LSAMP: variants seen among roughly 807,000 people sequenced by gnomAD.
LSAMP encodes the protein limbic system-associated membrane protein.
A neutral mutation model predicts 38.6 loss-of-function variants in LSAMP; 7 were observed. The observed-to-expected ratio is 0.18, with a 90% confidence interval of 0.10 to 0.34. LSAMP has a LOEUF of 0.34. LSAMP is among the 10% of genes least tolerant of loss of function. LSAMP has a pLI of 1.00. For synonymous variants in LSAMP, 154 were observed against 166.8 expected, an observed-to-expected ratio of 0.92 and a Z score of 0.59; for missense variants, 313 against 420.0, an observed-to-expected ratio of 0.75 and a Z score of 2.23.
chr3:116,108,422 A>T (rs549944883), intron 1 of LSAMP, among the ~76,000 whole-genome samples: 9 of 152,124 alleles, frequency 5.9e-5, no homozygotes, highest in Non-Finnish European at 1.0e-4. Flanking sequence ...CAGTTATGGA[A>T]GCAAGGGAAA....
At chr3:116,274,302 C>A (rs1279418373) in intron 1 of LSAMP, among the ~76,000 whole-genome samples, 2 of 152,040 alleles carry the variant, frequency 1.3e-5, no homozygotes, top group Non-Finnish European at 2.9e-5. Context: ...GCTTTTGTCA[C>A]TGGGATTTAG....
chr3:116,206,497 G>T (rs1224019658), intron 1 of LSAMP, among the ~76,000 whole-genome samples: 2 of 118,524 alleles, frequency 1.7e-5, no homozygotes, highest in Non-Finnish European at 3.7e-5. Context: ...TGTGATGTTA[G>T]GGTGTCAATT....
intron 4 of LSAMP, among the ~76,000 whole-genome samples, chr3:115,847,112 T>C (rs1029925612): frequency 2.0e-5 from 3 of 152,226 alleles, no homozygotes; most frequent in African/African-American, 7.2e-5. Context: ...CTTGGTATCA[T>C]GGATAAAGAA....
intron 1 of LSAMP, among the ~76,000 whole-genome samples, chr3:116,130,953 T>C (rs908356582): frequency 1.3e-5 from 2 of 151,648 alleles, no homozygotes; most frequent in Admixed American, 1.3e-4. Context: ...ATTCATTCAC[T>C]TCACTTCCGG....
At chr3:116,069,567 A>G (rs1382975947) in intron 2 of LSAMP, among the ~76,000 whole-genome samples, 1 of 152,188 alleles carries the variant, frequency 6.6e-6, no homozygotes, top group African/African-American at 2.4e-5. Context: ...CAGAAAAAAA[A>G]AAATGTGGGA....
At chr3:115,876,413 C>A (rs2107414419) in intron 3 of LSAMP, among the ~76,000 whole-genome samples, 1 of 151,898 alleles carries the variant, frequency 6.6e-6, no homozygotes, top group East Asian at 1.9e-4. Flanking sequence ...ACTCACCAAC[C>A]AGTCCTGCTA....
intron 1 of LSAMP, among the ~76,000 whole-genome samples, chr3:116,264,458 A>G (rs2046868946): frequency 6.6e-6 from 1 of 152,096 alleles, no homozygotes; most frequent in Non-Finnish European, 1.5e-5. Context: ...GCTGCATTTC[A>G]CCTTCTGAGG....
intron 3 of LSAMP, among the ~76,000 whole-genome samples, chr3:115,967,124 T>C (rs1243123954): frequency 1.3e-5 from 2 of 152,206 alleles, no homozygotes; most frequent in East Asian, 1.9e-4. Context: ...CAAACTTTCA[T>C]GGTCTGTTTC....
chr3:115,999,537 G>A (rs1223506315), intron 3 of LSAMP, among the ~76,000 whole-genome samples: 2 of 152,174 alleles, frequency 1.3e-5, no homozygotes, highest in Non-Finnish European at 1.5e-5. Context: ...TCAGGGGAAA[G>A]AGGAATAAAA....
intron 1 of LSAMP, among the ~76,000 whole-genome samples, chr3:116,221,218 C>A (rs1316860444): frequency 7.4e-6 from 1 of 135,486 alleles, no homozygotes; most frequent in Non-Finnish European, 1.6e-5. Flanking sequence ...TTAAAATATA[C>A]AAACTACTTG....
At chr3:115,990,305 G>C (rs1576288018) in intron 3 of LSAMP, among the ~76,000 whole-genome samples, 1 of 152,002 alleles carries the variant, frequency 6.6e-6, no homozygotes, top group Non-Finnish European at 1.5e-5. Context: ...ATGATAATAG[G>C]TTTGGTATTT....
chr3:116,284,428 A>G (rs533796971), intron 1 of LSAMP, among the ~76,000 whole-genome samples: 1 of 152,334 alleles, frequency 6.6e-6, no homozygotes, highest in Admixed American at 6.5e-5. Flanking sequence ...TTAGGCTTCA[A>G]AAGGACCTTG....
At chr3:116,208,334 C>A (rs1306125821) in intron 1 of LSAMP, among the ~76,000 whole-genome samples, 1 of 150,918 alleles carries the variant, frequency 6.6e-6, no homozygotes, top group East Asian at 2.0e-4. Flanking sequence ...AACTTCTTTG[C>A]CTTTGGTTTG....
At chr3:116,071,516 A>G (rs889012938) in intron 2 of LSAMP, among the ~76,000 whole-genome samples, 2 of 152,234 alleles carry the variant, frequency 1.3e-5, no homozygotes, top group African/African-American at 4.8e-5. Flanking sequence ...GTATGAGTAC[A>G]TATGATATAT....
chr3:116,087,324 G>A (rs1708014317), intron 1 of LSAMP, among the ~76,000 whole-genome samples: 2 of 152,144 alleles, frequency 1.3e-5, no homozygotes, highest in African/African-American at 4.8e-5. Flanking sequence ...ACGCTTAATT[G>A]AATTACTGCT....
At chr3:116,065,962 G>T (rs1233843775) in intron 2 of LSAMP, among the ~76,000 whole-genome samples, 10 of 152,104 alleles carry the variant, frequency 6.6e-5, no homozygotes, top group African/African-American at 1.9e-4. Flanking sequence ...TTTATATAAG[G>T]TTTATAGATA....
intron 3 of LSAMP, among the ~76,000 whole-genome samples, chr3:116,014,675 GC>G (rs1003975871): frequency 8.5e-5 from 13 of 152,102 alleles, no homozygotes; most frequent in African/African-American, 2.7e-4. Flanking sequence ...ACACAAGAAA[GC>G]CCCAGAGAAA....
At chr3:116,053,400 A>C (rs572078726) in intron 2 of LSAMP, among the ~76,000 whole-genome samples, 1 of 152,334 alleles carries the variant, frequency 6.6e-6, no homozygotes, top group Non-Finnish European at 1.5e-5. Context: ...ATAGGCAACC[A>C]TGGCACAATG....
chr3:115,819,590 A>G (rs1934161065), intron 6 of LSAMP, among the ~76,000 whole-genome samples: 2 of 152,218 alleles, frequency 1.3e-5, no homozygotes, highest in East Asian at 1.9e-4. Context: ...ATGCTCCCCT[A>G]TGAATCAACT....
Sources: gnomAD v4.1 joint callset for allele counts (sites outside exome capture counted in the v4.1 genomes callset) on GRCh38, gnomAD v4.1.1 for gene constraint, MANE v1.5 for transcripts, NCBI Gene and HGNC (gene_info 2026-07-23, HGNC 2026-07-21) for gene names.